The following MAPRE2 variants were observed in gnomAD, a reference collection of about 807,000 sequenced individuals.
MAPRE2 encodes the protein microtubule-associated protein RP/EB family member 2.
Under a neutral mutation model 43.2 loss-of-function variants are expected in MAPRE2, and 13 were observed. That is an observed-to-expected ratio of 0.30 (90% CI 0.20 to 0.48). The LOEUF is 0.48. Among genes scored for constraint, MAPRE2 ranks in the 20% least tolerant of loss-of-function variants. MAPRE2 has a pLI of 0.99. For synonymous variants in MAPRE2, 135 were observed against 148.8 expected (o/e 0.91, Z 0.68); for missense variants, 161 against 400.2 (o/e 0.40, Z 5.10).
chr18:35,016,820 C>T (rs273358), intron 2 of MAPRE2, among the ~76,000 whole-genome samples: 85,626 of 151,722 alleles, frequency 0.56, 25,037 homozygotes, highest in East Asian at 0.71. Context: ...TTGGTCCCAT[C>T]ATCAATTTTT....
chr18:35,137,290 A>G lies in MAPRE2; in HGVS notation c.910-3005A>G, dbSNP rs186939027. On this transcript the variant is annotated intron_variant, in intron 6 of 6. Transcript: ENST00000300249. ...TGACTGAGATTTAAGCTGGATGTGCATGAGAAGCAGCTGCCCTGGGCATCT... is the reference window on the plus strand; with the variant it reads ...TGACTGAGATTTAAGCTGGATGTGCGTGAGAAGCAGCTGCCCTGGGCATCT... Among the ~76,000 whole-genome samples the G allele has an allele frequency of 1.6e-3, 251 of 152,326 alleles. 1 individual carries two copies. Among genetic ancestry groups the G allele is most frequent in the Middle Eastern group, 3.4e-3 (1 of 294 alleles).
chr18:35,109,461 A>C (rs1222946124), intron 4 of MAPRE2, among the ~76,000 whole-genome samples: 1 of 152,160 alleles, frequency 6.6e-6, no homozygotes, highest in African/African-American at 2.4e-5. Flanking sequence ...ATTCCATATG[A>C]AATTTAAAAT....
At chr18:35,048,156 G>T (rs551007389) in intron 1 of MAPRE2, among the ~76,000 whole-genome samples, 2 of 152,280 alleles carry the variant, frequency 1.3e-5, no homozygotes, top group South Asian at 2.1e-4. Context: ...GCGGGAGCAG[G>T]CATGTCTCAT....
chr18:35,091,763 C>G (rs1259866880), intron 2 of MAPRE2, among the ~76,000 whole-genome samples: 1 of 152,086 alleles, frequency 6.6e-6, no homozygotes, highest in Non-Finnish European at 1.5e-5. Context: ...ATCACATCGC[C>G]TGACTTCAAA....
chr18:35,021,567 C>T (rs997389941), intron 2 of MAPRE2, among the ~76,000 whole-genome samples: 12 of 152,024 alleles, frequency 7.9e-5, no homozygotes, highest in African/African-American at 2.7e-4. Context: ...TTAAACTTCA[C>T]GGCCCCACTC....
At chr18:35,057,572 A>T (rs188332706) in intron 1 of MAPRE2, among the ~76,000 whole-genome samples, 1 of 151,424 alleles carries the variant, frequency 6.6e-6, no homozygotes, top group East Asian at 2.0e-4. Flanking sequence ...CTTCTAATGC[A>T]AAAGTCTGTC....
At chr18:35,023,278 C>T (rs1033001893) in intron 2 of MAPRE2, among the ~76,000 whole-genome samples, 3 of 151,770 alleles carry the variant, frequency 2.0e-5, no homozygotes, top group Admixed American at 6.6e-5. Flanking sequence ...TTTGGGAGGC[C>T]GAGGTGGGTG....
At chr18:35,015,633 AGTGTGTGTGTGTGTGT>A (rs3082290) in intron 2 of MAPRE2, among the ~76,000 whole-genome samples, 45 of 134,892 alleles carry the variant, frequency 3.3e-4, no homozygotes, top group African/African-American at 9.6e-4. Flanking sequence ...TAGGGATGGC[AGTGTGTGTGTGTGTGT>A]GTGTGTGTGT....
rs1555909246 is a variant in MAPRE2, at chr18:34,981,873, T to TTTA, written c.-70+4796_-70+4797insATT. On this transcript the variant is annotated intron_variant, in intron 1 of 7. Transcript: ENST00000413393. ...CTCAGCGACTTTATTTATTTTTTTT[T>TTTA]TTTATTTTTATTTATTTTTTTTTTT... is the stretch of plus-strand genomic sequence containing the variant. Among the ~76,000 whole-genome samples, 391 of 39,344 alleles carry TTTA rather than the reference T, an allele frequency of 9.9e-3. 4 individuals carry two copies. Among genetic ancestry groups the TTTA allele is most frequent in the African/African-American group, 0.021 (372 of 17,532 alleles). The allele number at this position is 39,344 out of a possible 152,430, so 25.8% of individuals were successfully genotyped here.
chr18:35,052,774 T>C (rs1015153741), intron 1 of MAPRE2, among the ~76,000 whole-genome samples: 6 of 152,228 alleles, frequency 3.9e-5, no homozygotes, highest in Admixed American at 1.3e-4. Context: ...GAATGGTATC[T>C]CATTGAGATT....
intron 2 of MAPRE2, among the ~76,000 whole-genome samples, chr18:35,084,370 A>AG (rs1213483299): frequency 6.6e-6 from 1 of 152,206 alleles, no homozygotes; most frequent in Non-Finnish European, 1.5e-5. Context: ...GGCACCTTTA[A>AG]CTGCAGTTTG....
At chr18:35,063,302 T>C (rs1245862926) in intron 1 of MAPRE2, among the ~76,000 whole-genome samples, 6 of 151,524 alleles carry the variant, frequency 4.0e-5, no homozygotes, top group African/African-American at 7.3e-5. Context: ...AGAGATGGGG[T>C]TTCACCGTGT....
At chr18:35,112,638 C>T (rs1909230497) in intron 4 of MAPRE2, among the ~76,000 whole-genome samples, 2 of 152,168 alleles carry the variant, frequency 1.3e-5, no homozygotes, top group Non-Finnish European at 2.9e-5. Context: ...AATGGCCCAA[C>T]TAATTAAATT....
intron 1 of MAPRE2, among the ~76,000 whole-genome samples, chr18:35,063,487 A>G (rs1280476061): frequency 6.7e-6 from 1 of 149,832 alleles, no homozygotes; most frequent in Non-Finnish European, 1.5e-5. Flanking sequence ...GGTAACTTAA[A>G]AAAAAAAAAA....
chr18:34,993,331 C>T (rs909086353), intron 1 of MAPRE2, among the ~76,000 whole-genome samples: 10 of 148,774 alleles, frequency 6.7e-5, no homozygotes, highest in Non-Finnish European at 1.5e-4. Flanking sequence ...TAGATCTCCT[C>T]GGCTCAAGGG....
chr18:35,026,915 C>T (rs961913459), intron 2 of MAPRE2, among the ~76,000 whole-genome samples: 6 of 152,164 alleles, frequency 3.9e-5, no homozygotes, highest in South Asian at 2.1e-4. Flanking sequence ...GCTTATAGTA[C>T]GAACTTTAGT....
chr18:35,016,178 C>T (rs571805449), intron 2 of MAPRE2, among the ~76,000 whole-genome samples: 1 of 152,040 alleles, frequency 6.6e-6, no homozygotes, highest in African/African-American at 2.4e-5. Context: ...ATATATACCA[C>T]ATCTTCTTTA....
chr18:35,032,645 T>C (rs893669562), intron 2 of MAPRE2, among the ~76,000 whole-genome samples: 1 of 152,186 alleles, frequency 6.6e-6, no homozygotes, highest in African/African-American at 2.4e-5. Flanking sequence ...CTTCCTCAAT[T>C]GCACCTGTGT....
At chr18:35,061,448 C>T (rs757494549) in intron 1 of MAPRE2, among the ~76,000 whole-genome samples, 11 of 152,212 alleles carry the variant, frequency 7.2e-5, no homozygotes, top group East Asian at 3.9e-4. Flanking sequence ...AAGTCAGTTC[C>T]GTGCTCACAC....
Sources: allele counts gnomAD v4.1 joint callset (sites outside exome capture counted in the v4.1 genomes callset), GRCh38; gene constraint gnomAD v4.1.1; transcripts MANE v1.5; gene names NCBI Gene and HGNC (gene_info 2026-07-23, HGNC 2026-07-21).